CAPN13: variants seen among roughly 807,000 people sequenced by gnomAD.
CAPN13 encodes calpain-13.
Under a neutral mutation model 98.4 loss-of-function variants are expected in CAPN13, and 90 were observed. The ratio of observed to expected loss-of-function variants is 0.92; its 90% confidence interval spans 0.77 to 1.09. The LOEUF is 1.09. Ranked by LOEUF, CAPN13 falls within the 50% of genes least tolerant of loss-of-function variation. CAPN13 has a pLI of 0.00. For missense variants in CAPN13, 887 were observed against 841.3 expected, an observed-to-expected ratio of 1.05 and a Z score of -0.67; for synonymous variants, 330 against 305.5, an observed-to-expected ratio of 1.08 and a Z score of -0.84.
chr2:30,732,213 G>A (rs773535532), intron 20 of CAPN13, among the ~76,000 whole-genome samples: 10 of 152,206 alleles, frequency 6.6e-5, no homozygotes, highest in Non-Finnish European at 1.2e-4. Context: ...GCTGGTCAGG[G>A]TGATGAGGAA....
intron 1 of CAPN13, among the ~76,000 whole-genome samples, chr2:30,800,006 A>G (rs1362309011): frequency 6.6e-6 from 1 of 151,840 alleles, no homozygotes; most frequent in Non-Finnish European, 1.5e-5. Context: ...CCCGGGAGGC[A>G]GAGCTTGCAG....
intron 22 of CAPN13, 99 bp downstream of exon 22, chr2:30,730,631 G>A: frequency 2.9e-6 from 2 of 684,252 alleles, no homozygotes; most frequent in Non-Finnish European, 5.4e-6. Context: ...TCATCCCTGG[G>A]GAGGCTCTCC....
chr2:30,773,686 A>G (rs1673527133), intron 4 of CAPN13, among the ~76,000 whole-genome samples: 1 of 152,230 alleles, frequency 6.6e-6, no homozygotes, highest in African/African-American at 2.4e-5. Context: ...CAAAGAACAT[A>G]GCAGGAAAAG....
chr2:30,748,194 C>T (rs983363489), intron 11 of CAPN13, among the ~76,000 whole-genome samples: 1 of 152,184 alleles, frequency 6.6e-6, no homozygotes, highest in Admixed American at 6.5e-5. Context: ...CCTGGTCAGT[C>T]CTGGCTGGGC....
intron 4 of CAPN13, among the ~76,000 whole-genome samples, chr2:30,775,589 T>C (rs1673646544): frequency 6.6e-6 from 1 of 152,192 alleles, no homozygotes; most frequent in African/African-American, 2.4e-5. Context: ...TACCAGATGT[T>C]ACCACTTCCT....
intron 5 of CAPN13, among the ~76,000 whole-genome samples, chr2:30,769,369 C>T (rs1673272545): frequency 6.6e-6 from 1 of 152,154 alleles, no homozygotes; most frequent in South Asian, 2.1e-4. Flanking sequence ...TGCTGGCGAG[C>T]ACTTGGCATT....
At chr2:30,774,646 A>C (rs907423353) in intron 4 of CAPN13, among the ~76,000 whole-genome samples, 3 of 152,172 alleles carry the variant, frequency 2.0e-5, no homozygotes. Flanking sequence ...TAGCTATTGA[A>C]TACATTGGAA....
intron 7 of CAPN13, among the ~76,000 whole-genome samples, chr2:30,759,969 A>G (rs1672755459): frequency 6.6e-6 from 1 of 152,170 alleles, no homozygotes; most frequent in South Asian, 2.1e-4. Context: ...CTCCCTGGCC[A>G]GTACCTCAGC....
intron 1 of CAPN13, among the ~76,000 whole-genome samples, chr2:30,802,476 T>TGTGC (rs1367262399): frequency 6.9e-6 from 1 of 145,334 alleles, no homozygotes; most frequent in Non-Finnish European, 1.5e-5. Flanking sequence ...TGTGTGTGTG[T>TGTGC]GTGTGTGTGT....
At chr2:30,796,803 A>G (rs1380609223) in intron 1 of CAPN13, among the ~76,000 whole-genome samples, 1 of 152,208 alleles carries the variant, frequency 6.6e-6, no homozygotes, top group Non-Finnish European at 1.5e-5. Flanking sequence ...AGACAAAACT[A>G]TGAAAGATTT....
At chr2:30,794,066 A>C (rs1674732136) in intron 1 of CAPN13, among the ~76,000 whole-genome samples, 1 of 151,818 alleles carries the variant, frequency 6.6e-6, no homozygotes, top group African/African-American at 2.4e-5. Context: ...AAAATTGATA[A>C]ATTAGACTTC....
At chr2:30,754,965 C>T (rs968076544) in intron 8 of CAPN13, among the ~76,000 whole-genome samples, 8 of 152,144 alleles carry the variant, frequency 5.3e-5, no homozygotes, top group African/African-American at 1.9e-4. Flanking sequence ...TAAAACCTAT[C>T]AGTGGTTCCA....
intron 1 of CAPN13, among the ~76,000 whole-genome samples, chr2:30,791,622 C>G: frequency 6.6e-6 from 1 of 152,168 alleles, no homozygotes. Context: ...CCAGTAAGTC[C>G]TTTTATTGGA....
rs1208776768 is a variant in CAPN13 at position 30,787,133 on chromosome 2, G to A, written c.193C>T (p.Pro65Ser). Reference protein sequence around the residue: ...KRLSNVIWKRPQDLPGGPPHF... With the variant: ...KRLSNVIWKRSQDLPGGPPHF... ...CTCGTGTGGGGCTCACTCACCTGTGGCCGCTTCCATATCACATTGGAGAGG... is the reference window on the plus strand; with the variant it reads ...CTCGTGTGGGGCTCACTCACCTGTGACCGCTTCCATATCACATTGGAGAGG... The change falls in exon 2 of 23, where the codon CCA becomes TCA. Residue 65 changes from proline (P) to serine (S), a missense_variant. Transcript: ENST00000295055. The A allele has an allele frequency of 1.9e-6, 3 of 1,559,878 alleles. No homozygotes were observed. The highest frequency in any genetic ancestry group is 8.7e-7 in the Non-Finnish European group (1 of 1,152,438).
At chr2:30,774,079 C>T (rs1673548679) in intron 4 of CAPN13, among the ~76,000 whole-genome samples, 2 of 151,986 alleles carry the variant, frequency 1.3e-5, no homozygotes, top group Admixed American at 1.3e-4. Context: ...ATCAGATAAA[C>T]TTTAAAGAAA....
chr2:30,764,144 G>A lies in CAPN13; in HGVS notation c.687C>T (p.Ala229=). 1 of 1,572,162 alleles carries A rather than the reference G, an allele frequency of 6.4e-7. No individual in the cohort carries two copies. The highest frequency in any genetic ancestry group is 8.6e-7 in the Non-Finnish European group (1 of 1,158,322). Residue 229 remains alanine, a synonymous_variant, in exon 6 of 23, where the codon GCC becomes GCT. Transcript: ENST00000295055. The stretch of plus-strand genomic sequence containing the variant: ...CCCAGTGACTTACCCCACTTGGAGT[G>A]GCACAGGTTATCAGGGAGCCTGCCT... ...ATKAGSLITC[A]TPSGPTDTAQ...
chr2:30,735,845 C>T (rs1324182228), intron 18 of CAPN13, among the ~76,000 whole-genome samples: 1 of 152,094 alleles, frequency 6.6e-6, no homozygotes, highest in East Asian at 1.9e-4. Context: ...TGTGGGTATA[C>T]ATATTACAAG....
At chr2:30,736,017 G>T (rs990618021) in intron 18 of CAPN13, among the ~76,000 whole-genome samples, 1 of 152,104 alleles carries the variant, frequency 6.6e-6, no homozygotes, top group African/African-American at 2.4e-5. Context: ...AGAGTGGGAT[G>T]AGTGGAAAGG....
intron 1 of CAPN13, among the ~76,000 whole-genome samples, chr2:30,796,157 T>TATAC (rs1674851982): frequency 6.8e-6 from 1 of 147,170 alleles, no homozygotes; most frequent in African/African-American, 2.5e-5. Flanking sequence ...TATATATATA[T>TATAC]ACATATATAT....
Sources: allele counts gnomAD v4.1 joint callset (sites outside exome capture counted in the v4.1 genomes callset), GRCh38; gene constraint gnomAD v4.1.1; transcripts MANE v1.5; gene names NCBI Gene and HGNC (gene_info 2026-07-23, HGNC 2026-07-21).